Variants in GSE1 observed in about 807,000 individuals in gnomAD.
GSE1 encodes Gse1 coiled-coil protein, also known as genetic suppressor element 1.
A neutral mutation model predicts 112.6 loss-of-function variants in GSE1; 32 were observed. The ratio of observed to expected loss-of-function variants is 0.28; its 90% CI spans 0.21 to 0.38. GSE1 has a LOEUF of 0.38. GSE1 is among the 10% of genes least tolerant of loss of function. GSE1 has a pLI of 1.00. For synonymous variants in GSE1, 1,115 were observed against 735.6 expected (o/e 1.52, Z -8.35); for missense variants, 2,348 against 1,699.2 (o/e 1.38, Z -6.71).
At chr16:85,572,141 CACACA>C (rs990511229) in intron 1 of GSE1, among the ~76,000 whole-genome samples, 1 of 148,922 alleles carries the variant, frequency 6.7e-6, no homozygotes, top group African/African-American at 2.5e-5. Context: ...CCACATACCA[CACACA>C]ACACACCACA....
chr16:85,270,059 C>T (rs1351178683), intron 1 of GSE1, among the ~76,000 whole-genome samples: 1 of 149,134 alleles, frequency 6.7e-6, no homozygotes, highest in Non-Finnish European at 1.5e-5. Context: ...GGACTCCACC[C>T]CATGCTCCTC....
At chr16:85,536,133 G>A (rs976134930) in intron 2 of GSE1, among the ~76,000 whole-genome samples, 11 of 152,234 alleles carry the variant, frequency 7.2e-5, no homozygotes, top group Admixed American at 5.9e-4. Context: ...CCAGGAGGGA[G>A]GCCCAGCCAC....
At chr16:85,565,790 A>G (rs566878716) in intron 1 of GSE1, among the ~76,000 whole-genome samples, 1 of 152,304 alleles carries the variant, frequency 6.6e-6, no homozygotes, top group East Asian at 1.9e-4. Context: ...GCCTGAGAGA[A>G]GGTGTGAGAA....
At chr16:85,231,989 C>T (rs746085621) in intron 1 of GSE1, among the ~76,000 whole-genome samples, 2 of 152,228 alleles carry the variant, frequency 1.3e-5, no homozygotes, top group Non-Finnish European at 2.9e-5. Context: ...GGCTTGCCCC[C>T]CTGCCGCTGT....
intron 2 of GSE1, among the ~76,000 whole-genome samples, chr16:85,470,834 C>T (rs1322697993): frequency 2.6e-5 from 4 of 152,192 alleles, no homozygotes; most frequent in East Asian, 1.9e-4. Flanking sequence ...ACAGTGTAAC[C>T]GTGGCAGTTT....
intron 10 of GSE1, 124 bp from the exon 11 acceptor site, chr16:85,663,220 C>G: frequency 7.6e-7 from 1 of 1,317,566 alleles, no homozygotes; most frequent in Non-Finnish European, 1.1e-6. Context: ...CCATGAAGCT[C>G]TTCTCCCACC....
In GSE1 at chr16:85,324,872, T is replaced by C. The variant is rs1024963509; in HGVS notation, c.2284-32591T>C. 2.0e-5 allele frequency among the ~76,000 whole-genome samples: 3 copies of C among 152,312 alleles called. No homozygotes were observed. The Middle Eastern group carries it at 0.01, about 518-fold the overall frequency. Reference sequence around the variant, plus strand: ...TTGGGTGATGGAAGAGTTCTGGAGTTAGTTGCACGGCATTGTGAAATGTAA... The same window carrying C: ...TTGGGTGATGGAAGAGTTCTGGAGTCAGTTGCACGGCATTGTGAAATGTAA... On this transcript the variant is annotated intron_variant, in intron 1 of 2. Transcript: ENST00000637419.
rs116591713 is a variant in GSE1 at position 85,432,630 on chromosome 16, G to A, written c.2464+74987G>A. ...TTATGCCACCTTTGTGTGTTTCCAC[G>A]GTTCTCAGCATCTCTCCTCTTCCCC... On this transcript the variant is annotated intron_variant, in intron 2 of 2. Transcript: ENST00000637419. 6.0e-3 allele frequency among the ~76,000 whole-genome samples: 917 copies of A among 152,266 alleles called. 5 individuals are homozygous for A. The highest frequency in any genetic ancestry group is 0.021 in the African/African-American group (866 of 41,546).
intron 2 of GSE1, among the ~76,000 whole-genome samples, chr16:85,502,792 A>G (rs1035592888): frequency 6.6e-6 from 1 of 152,216 alleles, no homozygotes; most frequent in Non-Finnish European, 1.5e-5. Context: ...TGGCTTGTCC[A>G]GGGATCCTCT....
At chr16:85,259,138 G>A (rs899591049) in intron 1 of GSE1, among the ~76,000 whole-genome samples, 4 of 152,160 alleles carry the variant, frequency 2.6e-5, no homozygotes, top group East Asian at 1.9e-4. Context: ...AGGGGCCACC[G>A]CGTCTGTGGA....
At chr16:85,307,781 G>A (rs1357227444) in intron 1 of GSE1, among the ~76,000 whole-genome samples, 3 of 152,234 alleles carry the variant, frequency 2.0e-5, no homozygotes, top group African/African-American at 7.2e-5. Flanking sequence ...CTTATCATTA[G>A]CATAGGCTGT....
intron 2 of GSE1, among the ~76,000 whole-genome samples, chr16:85,450,354 G>T (rs2049641593): frequency 6.6e-6 from 1 of 151,894 alleles, no homozygotes; most frequent in South Asian, 2.1e-4. Context: ...CCGACTTCAG[G>T]TGATCTGCCC....
chr16:85,431,858 G>A (rs2151761774), intron 2 of GSE1, among the ~76,000 whole-genome samples: 1 of 152,370 alleles, frequency 6.6e-6, no homozygotes. Flanking sequence ...ATCTGTTTCA[G>A]TAAGTGATTA....
chr16:85,287,067 C>A (rs4783157), intron 1 of GSE1, among the ~76,000 whole-genome samples: 109,284 of 152,182 alleles, frequency 0.72, 40,634 homozygotes, highest in South Asian at 0.9. Context: ...GCCTCCCTGC[C>A]TGTCTCCGGG....
chr16:85,289,570 G>T (rs920368593), intron 1 of GSE1, among the ~76,000 whole-genome samples: 2 of 152,222 alleles, frequency 1.3e-5, no homozygotes, highest in Non-Finnish European at 2.9e-5. Flanking sequence ...CCCAGGGAAG[G>T]CCAATGTGCT....
intron 2 of GSE1, among the ~76,000 whole-genome samples, chr16:85,464,172 G>A (rs2050059304): frequency 1.3e-5 from 2 of 152,066 alleles, no homozygotes. Flanking sequence ...TGTTTGAACT[G>A]CAGCTTTTAA....
intron 2 of GSE1, among the ~76,000 whole-genome samples, chr16:85,640,645 G>C (rs991937166): frequency 1.3e-5 from 2 of 152,254 alleles, no homozygotes; most frequent in Non-Finnish European, 2.9e-5. Context: ...CTCATGAGCT[G>C]CCGTGGGAAT....
chr16:85,595,121 G>C (rs562362973), intron 1 of GSE1: 1 of 152,514 alleles, frequency 6.6e-6, no homozygotes, highest in Admixed American at 6.5e-5. Context: ...AGTACAGACC[G>C]GCAGGTTCTC....
chr16:85,349,420 C>T (rs1228828800), intron 1 of GSE1, among the ~76,000 whole-genome samples: 2 of 152,140 alleles, frequency 1.3e-5, no homozygotes, highest in South Asian at 2.1e-4. Flanking sequence ...GGGGCCACAG[C>T]GGGTCAGGAC....
Sources: gnomAD v4.1 joint callset for allele counts (sites outside exome capture counted in the v4.1 genomes callset) on GRCh38, gnomAD v4.1.1 for gene constraint, MANE v1.5 for transcripts, NCBI Gene and HGNC (gene_info 2026-07-23, HGNC 2026-07-21) for gene names.